The following BMP2K variants were observed in gnomAD, a reference collection of about 807,000 sequenced individuals.
BMP2K encodes the protein BMP2 inducible kinase.
Under a neutral mutation model 116.0 loss-of-function variants are expected in BMP2K, and 74 were observed. The observed-to-expected ratio is 0.64, with a 90% CI of 0.53 to 0.77. The LOEUF (loss-of-function observed/expected upper bound fraction) is 0.77, where lower values mean the gene tolerates loss of function less well. Ranked by LOEUF, BMP2K falls within the 30% of genes least tolerant of loss-of-function variation. The pLI, the probability that BMP2K is intolerant of heterozygous loss-of-function variation, is 0.00. For synonymous variants in BMP2K, 486 were observed against 502.5 expected (o/e 0.97, Z 0.44); for missense variants, 1,365 against 1,403.6 (o/e 0.97, Z 0.44).
At chr4:78,871,140 A>T in intron 11 of BMP2K, 80 bp downstream of exon 11, 1 of 1,559,402 alleles carries the variant, frequency 6.4e-7, no homozygotes, top group Non-Finnish European at 8.6e-7. Flanking sequence ...TCCTTTTTGT[A>T]TCATGGGCAC....
chr4:78,852,838 G>A (rs955619940), intron 7 of BMP2K, among the ~76,000 whole-genome samples: 9 of 152,016 alleles, frequency 5.9e-5, no homozygotes, highest in African/African-American at 2.2e-4. Flanking sequence ...TCCTGGCCTC[G>A]AGCAGTCCTG....
chr4:78,829,787 TTTCTC>T (rs745602899), intron 2 of BMP2K, among the ~76,000 whole-genome samples: 6,473 of 86,124 alleles, frequency 0.075, 242 homozygotes, highest in Non-Finnish European at 0.096. Flanking sequence ...TTTCTTTTCT[TTTCTC>T]TTCTCTTCTC....
intron 13 of BMP2K, among the ~76,000 whole-genome samples, chr4:78,878,339 A>G (rs1042360198): frequency 2.0e-5 from 3 of 152,314 alleles, no homozygotes; most frequent in Admixed American, 1.3e-4. Flanking sequence ...CTTGTTTACT[A>G]TGATAATAAC....
intron 1 of BMP2K, among the ~76,000 whole-genome samples, chr4:78,810,034 A>G (rs796653966): frequency 3.7e-4 from 56 of 152,308 alleles, no homozygotes; most frequent in African/African-American, 1.3e-3. Flanking sequence ...CTGTTTGTTT[A>G]CTGACTTTCC....
chr4:78,888,112 T>C (rs1366956370), intron 15 of BMP2K: 1 of 152,216 alleles, frequency 6.6e-6, no homozygotes, highest in Non-Finnish European at 1.5e-5. Context: ...GCTGAGTACA[T>C]TGAACAGCTT....
chr4:78,826,714 G>A (rs1179261383), intron 2 of BMP2K, among the ~76,000 whole-genome samples: 1 of 152,072 alleles, frequency 6.6e-6, no homozygotes, highest in African/African-American at 2.4e-5. Flanking sequence ...GTAAAATGTA[G>A]TATTTGCATG....
chr4:78,865,411 G>A (rs910978819), intron 9 of BMP2K, 146 bp from the exon 10 acceptor site: 1 of 753,554 alleles, frequency 1.3e-6, no homozygotes, highest in African/African-American at 1.8e-5. Flanking sequence ...TTTAATACTT[G>A]AAAATGAGCC....
chr4:78,884,505 C>T (rs993600211), intron 14 of BMP2K, among the ~76,000 whole-genome samples: 2 of 152,210 alleles, frequency 1.3e-5, no homozygotes, highest in Non-Finnish European at 2.9e-5. Flanking sequence ...AAGTCTGTTT[C>T]TAATTCAGAC....
intron 2 of BMP2K, among the ~76,000 whole-genome samples, chr4:78,831,063 T>C (rs1730183194): frequency 6.6e-6 from 1 of 152,256 alleles, no homozygotes; most frequent in Admixed American, 6.5e-5. Context: ...TATTTCTAGC[T>C]TTTGATTAAA....
At position 78,860,838 on chromosome 4, in the gene BMP2K, T is replaced by C. The variant is rs1423212806; in HGVS notation, c.988-551T>C. ...GATGTACTCTTTTCTCTGTTGAAGC[T>C]GAAAGCTTTGCAGTTCTAAAAGTAG... On this transcript the variant is annotated intron_variant, in intron 8 of 15. Coordinates refer to ENST00000502613, the MANE Select transcript of BMP2K (RefSeq NM_198892.2). Among the ~76,000 whole-genome samples the C allele has an allele frequency of 2.1e-5, 3 of 143,818 alleles. No individual in the cohort carries two copies. The East Asian group carries it at 6.3e-4, about 30-fold the overall frequency. 94.4% of individuals were successfully genotyped at this position (143,818 alleles called of 152,430 possible).
At chr4:78,822,725 A>G (rs1729682608) in intron 1 of BMP2K, among the ~76,000 whole-genome samples, 1 of 152,156 alleles carries the variant, frequency 6.6e-6, no homozygotes, top group African/African-American at 2.4e-5. Flanking sequence ...GGTTACTGCC[A>G]ATAATCTTAT....
In BMP2K at chr4:78,870,989, C is replaced by T; in HGVS notation, c.1438C>T (p.Gln480Ter). The T allele has an allele frequency of 6.6e-7, 1 of 1,514,034 alleles. No homozygotes were observed. Among genetic ancestry groups the T allele is most frequent in the Non-Finnish European group, 9.1e-7 (1 of 1,102,196 alleles). The allele number at this position is 1,514,034 out of a possible 1,614,324, so 93.8% of individuals were successfully genotyped here. ...QQQQQQQQQQ[Q>*]QQQQQQHHHH... ...GCAGCAGCAGCAACAGCAACAGCAG[C>T]AGCAGCAGCAGCAGCAGCAGCACCA... The change falls in exon 11 of 16, where the codon CAG becomes TAG. Residue 480 changes from glutamine (Q) to a stop codon, truncating the protein, a stop_gained. Transcript: ENST00000502613. LOFTEE classifies it high-confidence loss of function.
At chr4:78,837,673 T>C (rs980337856) in intron 3 of BMP2K, among the ~76,000 whole-genome samples, 3 of 152,204 alleles carry the variant, frequency 2.0e-5, no homozygotes, top group African/African-American at 7.2e-5. Context: ...TCTTTCTTTG[T>C]TTTTGAGACA....
Position 78,913,448 on chromosome 4 carries a change from C to G in BMP2K, c.*1415C>G, listed in dbSNP as rs1277591151. ...AATATAGTATCTGTGCTTCCTGTGT[C>G]TATGACTATTTTAAGATATAATTGT... is the stretch of plus-strand genomic sequence containing the variant. On this transcript the variant is annotated 3_prime_UTR_variant, in exon 16 of 16. Transcript: ENST00000502613. 5.9e-5 allele frequency: 9 copies of G among 152,098 alleles called. No homozygotes were observed. The highest frequency in any genetic ancestry group is 1.3e-4 in the Non-Finnish European group (9 of 67,990). 9.4% of individuals were successfully genotyped at this position (152,098 alleles called of 1,614,324 possible).
chr4:78,821,877 T>G (rs1258718900), intron 1 of BMP2K, among the ~76,000 whole-genome samples: 2 of 152,170 alleles, frequency 1.3e-5, no homozygotes, highest in African/African-American at 4.8e-5. Context: ...TGAGGGGAGT[T>G]ACAAATATGT....
chr4:78,807,025 T>C (rs1298752243), intron 1 of BMP2K, among the ~76,000 whole-genome samples: 1 of 151,824 alleles, frequency 6.6e-6, no homozygotes, highest in South Asian at 2.1e-4. Flanking sequence ...AATTTTCGTA[T>C]TTTTTTAGTA....
chr4:78,776,739 G>A lies in BMP2K; in HGVS notation c.178+18G>A, dbSNP rs749911168. 24 of 874,770 alleles carry A rather than the reference G, an allele frequency of 2.7e-5. No individual in the cohort carries two copies. The African/African-American group carries it at 4.1e-4, about 15-fold the overall frequency. 54.2% of individuals were successfully genotyped at this position (874,770 alleles called of 1,614,324 possible). ...GGCCGAAGGTACGGGCGCCCGGGGA[G>A]GCTCGGACAGGCAGGTGAGGGAGGG... On this transcript the variant is annotated intron_variant, in intron 1 of 15. Transcript: ENST00000502613.
At chr4:78,892,985 G>A (rs1733521548) in intron 15 of BMP2K, among the ~76,000 whole-genome samples, 1 of 152,134 alleles carries the variant, frequency 6.6e-6, no homozygotes, top group Non-Finnish European at 1.5e-5. Context: ...ATAAGACAAT[G>A]ATTAAGTTTG....
At chr4:78,902,660 C>A (rs1002178735) in intron 15 of BMP2K, among the ~76,000 whole-genome samples, 3 of 152,128 alleles carry the variant, frequency 2.0e-5, no homozygotes, top group Middle Eastern at 3.4e-3. Context: ...AAAAGAACAT[C>A]AAAACAAAAT....
Sources: gnomAD v4.1 joint callset for allele counts (sites outside exome capture counted in the v4.1 genomes callset) on GRCh38, gnomAD v4.1.1 for gene constraint, MANE v1.5 for transcripts, NCBI Gene and HGNC (gene_info 2026-07-23, HGNC 2026-07-21) for gene names.